Variants in RBFOX3 observed in about 807,000 individuals in gnomAD.
The protein encoded by RBFOX3 is RNA binding protein fox-1 homolog 3.
Under a neutral mutation model 48.7 loss-of-function variants are expected in RBFOX3, and 17 were observed. That is an observed-to-expected ratio of 0.35 (90% CI 0.24 to 0.52). The LOEUF (loss-of-function observed/expected upper bound fraction) is 0.52. Among genes scored for constraint, RBFOX3 ranks in the 20% least tolerant of loss-of-function variants. RBFOX3 has a pLI of 0.94. For missense variants in RBFOX3, 382 were observed against 497.5 expected, an observed-to-expected ratio of 0.77 and a Z score of 2.21; for synonymous variants, 212 against 209.5, an observed-to-expected ratio of 1.01 and a Z score of -0.10.
intron 1 of RBFOX3, among the ~76,000 whole-genome samples, chr17:79,514,950 C>T (rs1174668335): frequency 6.6e-6 from 1 of 152,146 alleles, no homozygotes; most frequent in Admixed American, 6.5e-5. Flanking sequence ...GGGCTCGGCG[C>T]TGCCCCATTC....
chr17:79,109,605 G>A (rs2029935349), intron 5 of RBFOX3, among the ~76,000 whole-genome samples: 2 of 152,244 alleles, frequency 1.3e-5, no homozygotes, highest in South Asian at 4.1e-4. Flanking sequence ...TCTTTATGGA[G>A]GTCTGAACCC....
Position 79,299,948 on chromosome 17 carries a change from A to G in RBFOX3, c.-74+7776T>C, listed in dbSNP as rs892971502. ...GAGACAGTGTCTCGCTCTGTGGCCC[A>G]GGCTGGAGTGCAGTGGCATGATCTC... On this transcript the variant is annotated intron_variant, in intron 3 of 14. Transcript: ENST00000693108. This position sits in a 1 kb window ranked among gnomAD's most constrained non-coding sequence, Gnocchi z 4.5. 2.7e-5 allele frequency among the ~76,000 whole-genome samples: 4 copies of G among 148,820 alleles called. No individual in the cohort carries two copies. The highest frequency in any genetic ancestry group is 5.0e-5 in the African/African-American group (2 of 40,022).
At chr17:79,585,760 G>A (rs1335740138) in intron 1 of RBFOX3, among the ~76,000 whole-genome samples, 1 of 152,056 alleles carries the variant, frequency 6.6e-6, no homozygotes, top group African/African-American at 2.4e-5. Flanking sequence ...ATGAGCCCAG[G>A]AAGCAAGAGC....
Position 79,361,346 on chromosome 17 carries a change from AACAGCT to A in RBFOX3, c.-174-53528_-174-53523del, listed in dbSNP as rs1284566393. Among the ~76,000 whole-genome samples the A allele has an allele frequency of 3.9e-5, 6 of 152,162 alleles. No homozygotes were observed. The highest frequency in any genetic ancestry group is 1.4e-4 in the African/African-American group (6 of 41,434). On this transcript the variant is annotated intron_variant, in intron 2 of 14. Coordinates refer to ENST00000693108, the MANE Select transcript of RBFOX3 (RefSeq NM_001350451.2). The surrounding 1 kb of genome is among the most constrained non-coding windows in gnomAD (Gnocchi z 4.5). ...ACGCTCATCGAGGTGCTTACCCGCT[AACAGCT>A]CTGTGCAGGTGGCATGAGCTTGCAT... is the stretch of plus-strand genomic sequence containing the variant.
intron 4 of RBFOX3, among the ~76,000 whole-genome samples, chr17:79,147,761 G>A (rs535143537): frequency 4.7e-4 from 71 of 152,352 alleles, no homozygotes; most frequent in African/African-American, 1.6e-3. Context: ...CGCCCCTGGT[G>A]CCCAGTACCT....
At chr17:79,434,593 C>A (rs1421224883) in intron 2 of RBFOX3, among the ~76,000 whole-genome samples, 7 of 152,220 alleles carry the variant, frequency 4.6e-5, no homozygotes, top group Non-Finnish European at 7.3e-5. Flanking sequence ...TACTGTCTCT[C>A]TTTCAGGCAA....
At chr17:79,266,988 C>A (rs1339929228) in intron 3 of RBFOX3, among the ~76,000 whole-genome samples, 1 of 152,138 alleles carries the variant, frequency 6.6e-6, no homozygotes, top group Non-Finnish European at 1.5e-5. Context: ...AATGACTGAA[C>A]CTGAGGCGGT....
intron 1 of RBFOX3, among the ~76,000 whole-genome samples, chr17:79,512,828 C>T (rs531781091): frequency 4.7e-5 from 7 of 148,090 alleles, no homozygotes; most frequent in South Asian, 2.2e-4. Flanking sequence ...CACCCGGATA[C>T]GTGTTACCAT....
rs767718991 is a variant in RBFOX3, at chr17:79,476,284, A to G, written c.-175+6170T>C. Among the ~76,000 whole-genome samples the G allele has an allele frequency of 1.4e-3, 213 of 152,250 alleles. 4 individuals are homozygous for G. Among genetic ancestry groups the G allele is most frequent in the Admixed American group, 1.4e-3 (21 of 15,288 alleles). ...GCGGTGTCCTGGGGAACTCGCCCAC[A>G]GCGCCCTCTGCGACCCGCCCAGTCT... On this transcript the variant is annotated intron_variant, in intron 2 of 14. Transcript: ENST00000693108.
intron 2 of RBFOX3, among the ~76,000 whole-genome samples, chr17:79,413,256 C>A (rs2064764322): frequency 1.3e-5 from 2 of 152,380 alleles, no homozygotes; most frequent in African/African-American, 4.8e-5. Context: ...AGCCAAGAAA[C>A]TGCTCTGGTT....
chr17:79,338,085 C>T (rs1045257065), intron 2 of RBFOX3, among the ~76,000 whole-genome samples: 1 of 152,002 alleles, frequency 6.6e-6, no homozygotes, highest in Non-Finnish European at 1.5e-5. Context: ...ATTACAGGCA[C>T]CTGCCACCAT....
chr17:79,193,144 C>A (rs2054853599), intron 4 of RBFOX3, among the ~76,000 whole-genome samples: 1 of 152,168 alleles, frequency 6.6e-6, no homozygotes, highest in Admixed American at 6.5e-5. Flanking sequence ...GGCAGGCATG[C>A]CGGCATGGCT....
At position 79,212,932 on chromosome 17, in the gene RBFOX3, G is replaced by T. The variant is rs1444718718; in HGVS notation, c.-34+22834C>A. On this transcript the variant is annotated intron_variant, in intron 4 of 14. Transcript: ENST00000693108. The surrounding 1 kb of genome is among the most constrained non-coding windows in gnomAD (Gnocchi z 4.7). ...TGCAGTGGCGCAATCTCAGATCACT[G>T]CAACCTCCGTCTCCCAGGTTCAAGA... 6.6e-6 allele frequency among the ~76,000 whole-genome samples: 1 copy of T among 152,142 alleles called. No individual in the cohort carries two copies. The highest frequency in any genetic ancestry group is 6.5e-5 in the Admixed American group (1 of 15,274).
rs149240164 is a variant in RBFOX3, at chr17:79,435,698, T to C, written c.-175+46756A>G. ...AGCCCTGTGCCCCATTCCCCTTTGCTGGCCAGGTGCTGGCATTCCCATTGG... is the reference window on the plus strand; with the variant it reads ...AGCCCTGTGCCCCATTCCCCTTTGCCGGCCAGGTGCTGGCATTCCCATTGG... On this transcript the variant is annotated intron_variant, in intron 2 of 14. Coordinates refer to ENST00000693108, the MANE Select transcript of RBFOX3 (RefSeq NM_001350451.2). Among the ~76,000 whole-genome samples, 12 of 152,330 alleles carry C rather than the reference T, an allele frequency of 7.9e-5. No homozygotes were observed. The East Asian group carries it at 2.3e-3, about 29-fold the overall frequency.
At position 79,198,220 on chromosome 17, in the gene RBFOX3, AG is replaced by A. The variant is rs892950399; in HGVS notation, c.-34+37545del. ...ATCCTCAACACTGGACCAGACCAGA[AG>A]GGGAAATCATGGGTGACAACCGCCT... On this transcript the variant is annotated intron_variant, in intron 4 of 14. Coordinates refer to ENST00000693108, the MANE Select transcript of RBFOX3 (RefSeq NM_001350451.2). The surrounding 1 kb of genome is among the most constrained non-coding windows in gnomAD (Gnocchi z 8.2). 4.6e-5 allele frequency among the ~76,000 whole-genome samples: 7 copies of A among 152,262 alleles called. No homozygotes were observed. Among genetic ancestry groups the A allele is most frequent in the Admixed American group, 3.3e-4 (5 of 15,298 alleles).
At chr17:79,097,580 G>C (rs1221900534) in intron 10 of RBFOX3, 112 bp downstream of exon 10, 2 of 1,431,092 alleles carry the variant, frequency 1.4e-6, no homozygotes, top group African/African-American at 2.9e-5. Flanking sequence ...CGACGGGAGG[G>C]CGGGGACGGC....
Position 79,198,126 on chromosome 17 carries a change from G to T in RBFOX3, c.-34+37640C>A, listed in dbSNP as rs1306712510. Among the ~76,000 whole-genome samples the T allele has an allele frequency of 2.0e-5, 3 of 151,092 alleles. No homozygotes were observed. The highest frequency in any genetic ancestry group is 3.0e-5 in the Non-Finnish European group (2 of 67,724). ...TCGTGTGGGGTGGGCTGTCATCCCG[G>T]AAGTGCTACGGTTGCATCGTGTGGG... On this transcript the variant is annotated intron_variant, in intron 4 of 14. Transcript: ENST00000693108. The surrounding 1 kb of genome is among the most constrained non-coding windows in gnomAD (Gnocchi z 8.2).
chr17:79,211,677 G>C (rs1292821352), intron 4 of RBFOX3, among the ~76,000 whole-genome samples: 18 of 152,140 alleles, frequency 1.2e-4, no homozygotes, highest in Admixed American at 6.5e-5. Flanking sequence ...CAAGGTCAGA[G>C]TCCCAGGCTC....
chr17:79,442,928 T>G (rs74002508), intron 2 of RBFOX3, among the ~76,000 whole-genome samples: 1,891 of 152,274 alleles, frequency 0.012, 43 homozygotes, highest in African/African-American at 0.044. Flanking sequence ...ACAGCCACAA[T>G]GGAAAATCTG....
Sources: gnomAD v4.1 joint callset for allele counts (sites outside exome capture counted in the v4.1 genomes callset) on GRCh38, gnomAD v4.1.1 for gene constraint, Gnocchi (gnomAD v3.1) non-coding constraint, MANE v1.5 for transcripts, NCBI Gene and HGNC (gene_info 2026-07-23, HGNC 2026-07-21) for gene names.